Variants in PLPPR1 observed in about 807,000 individuals in gnomAD.
PLPPR1 encodes the protein phospholipid phosphatase-related protein type 1.
A neutral mutation model predicts 33.1 loss-of-function variants in PLPPR1; 10 were observed. The observed-to-expected ratio is 0.30, with a 90% CI of 0.19 to 0.51. The LOEUF is 0.51. Ranked by LOEUF, PLPPR1 falls within the 20% of genes least tolerant of loss-of-function variation. The probability of loss-of-function intolerance (pLI) is 0.97; values close to 1 mark genes in which losing one functional copy is unlikely to be tolerated. For synonymous variants in PLPPR1, 151 were observed against 151.0 expected (o/e 1.00, Z 0.00); for missense variants, 304 against 408.1 (o/e 0.74, Z 2.20).
intron 2 of PLPPR1, among the ~76,000 whole-genome samples, chr9:101,247,123 C>T (rs1004865776): frequency 3.9e-5 from 6 of 151,916 alleles, no homozygotes; most frequent in African/African-American, 1.2e-4. Context: ...CATTAATTTA[C>T]CATAAAACCA....
At chr9:101,084,564 G>GA (rs1453389290) in intron 1 of PLPPR1, among the ~76,000 whole-genome samples, 3 of 152,280 alleles carry the variant, frequency 2.0e-5, no homozygotes, top group African/African-American at 7.2e-5. Context: ...TGTTAGGAAA[G>GA]AAAAAAGCGG....
At chr9:101,059,625 C>T (rs1437952345) in intron 1 of PLPPR1, among the ~76,000 whole-genome samples, 1 of 151,930 alleles carries the variant, frequency 6.6e-6, no homozygotes, top group East Asian at 1.9e-4. Flanking sequence ...ATAGCAAAAC[C>T]ACAAATAATC....
intron 2 of PLPPR1, among the ~76,000 whole-genome samples, chr9:101,237,474 G>GTA (rs1491032491): frequency 6.9e-6 from 1 of 145,924 alleles, no homozygotes; most frequent in Non-Finnish European, 1.5e-5. Flanking sequence ...GTGTGTGTGT[G>GTA]TATAGCAAAA....
intron 1 of PLPPR1, among the ~76,000 whole-genome samples, chr9:101,078,815 C>A (rs561654359): frequency 6.0e-5 from 9 of 150,922 alleles, no homozygotes; most frequent in Non-Finnish European, 1.2e-4. Flanking sequence ...TTTCTTAGTA[C>A]GAAAAAAAAG....
At chr9:101,309,153 GAA>G in intron 4 of PLPPR1, 56 bp from the exon 5 acceptor site, 1 of 1,584,532 alleles carries the variant, frequency 6.3e-7, no homozygotes, top group Non-Finnish European at 8.6e-7. Flanking sequence ...TCTCTTAGGA[GAA>G]AAATGCAATT....
intron 2 of PLPPR1, among the ~76,000 whole-genome samples, chr9:101,266,973 C>G (rs1012899959): frequency 6.6e-6 from 1 of 152,174 alleles, no homozygotes; most frequent in East Asian, 1.9e-4. Flanking sequence ...TATCCAGAAG[C>G]CCCCATAGAT....
chr9:101,202,523 A>T (rs552660483), intron 2 of PLPPR1, among the ~76,000 whole-genome samples: 8 of 152,338 alleles, frequency 5.3e-5, no homozygotes, highest in African/African-American at 1.9e-4. Context: ...TGCACAAAGC[A>T]TATGCTTGTC....
At chr9:101,175,081 T>C (rs895049179) in intron 1 of PLPPR1, among the ~76,000 whole-genome samples, 2 of 152,198 alleles carry the variant, frequency 1.3e-5, no homozygotes, top group Non-Finnish European at 2.9e-5. Context: ...TAAAACATGT[T>C]AGGCTGATTC....
At chr9:101,319,584 C>G (rs976136875) in intron 7 of PLPPR1, among the ~76,000 whole-genome samples, 4 of 152,138 alleles carry the variant, frequency 2.6e-5, no homozygotes, top group Admixed American at 6.5e-5. Flanking sequence ...TGTATTAAGG[C>G]TAACATTTTA....
chr9:101,198,112 CCTTAT>C (rs1467604051), intron 2 of PLPPR1, among the ~76,000 whole-genome samples: 7 of 151,974 alleles, frequency 4.6e-5, no homozygotes, highest in Non-Finnish European at 8.8e-5. Context: ...AAATAGTTTT[CCTTAT>C]CTTCAGTCTT....
chr9:101,093,867 G>C (rs1323396494), intron 1 of PLPPR1, among the ~76,000 whole-genome samples: 3 of 152,156 alleles, frequency 2.0e-5, no homozygotes, highest in African/African-American at 7.2e-5. Flanking sequence ...ATTGTTTCCA[G>C]CTCCAATGCA....
At chr9:101,115,346 G>A (rs1831105590) in intron 1 of PLPPR1, among the ~76,000 whole-genome samples, 1 of 152,212 alleles carries the variant, frequency 6.6e-6, no homozygotes, top group Non-Finnish European at 1.5e-5. Context: ...GAGGGCGATT[G>A]TGATAGTTGT....
intron 2 of PLPPR1, among the ~76,000 whole-genome samples, chr9:101,231,579 T>C (rs1050457184): frequency 6.6e-6 from 1 of 152,078 alleles, no homozygotes; most frequent in African/African-American, 2.4e-5. Context: ...GCAAAACAAA[T>C]CTGATGACCT....
intron 1 of PLPPR1, among the ~76,000 whole-genome samples, chr9:101,046,532 C>T (rs777002491): frequency 8.0e-5 from 12 of 150,932 alleles, no homozygotes; most frequent in East Asian, 4.0e-4. Flanking sequence ...CTCTGCCTCC[C>T]GGGTTCACGC....
intron 1 of PLPPR1, among the ~76,000 whole-genome samples, chr9:101,044,057 G>A (rs1167728590): frequency 6.6e-6 from 1 of 152,174 alleles, no homozygotes; most frequent in Non-Finnish European, 1.5e-5. Flanking sequence ...AAAAGGAATA[G>A]TCAGCAGAGT....
intron 3 of PLPPR1, among the ~76,000 whole-genome samples, chr9:101,276,665 A>G (rs979340840): frequency 6.6e-6 from 1 of 152,176 alleles, no homozygotes; most frequent in Non-Finnish European, 1.5e-5. Context: ...TCTTGTATTC[A>G]CTGTTCAGAT....
intron 1 of PLPPR1, among the ~76,000 whole-genome samples, chr9:101,050,092 T>G (rs1220671692): frequency 8.0e-6 from 1 of 124,924 alleles, no homozygotes; most frequent in Non-Finnish European, 1.5e-5. Context: ...GCCACTGCAC[T>G]CCAGCCTGCA....
intron 1 of PLPPR1, among the ~76,000 whole-genome samples, chr9:101,043,884 A>G (rs1304026948): frequency 6.6e-6 from 1 of 151,998 alleles, no homozygotes; most frequent in Non-Finnish European, 1.5e-5. Context: ...TTTAATTTGC[A>G]TCTCCCTAAT....
rs541747171 is a variant in PLPPR1, at chr9:101,260,118, G to T, written c.64-9762G>T. 2.6e-5 allele frequency among the ~76,000 whole-genome samples: 4 copies of T among 152,142 alleles called. No homozygotes were observed. In the South Asian group the frequency reaches 8.3e-4, roughly 32 times the overall value. ...AACCTCACTGAGGCCAGGAGAGAGA[G>T]ATCAGCTCTCTCATGTCTCCTAAGA... is the stretch of plus-strand genomic sequence containing the variant. On this transcript the variant is annotated intron_variant, in intron 2 of 7. Coordinates refer to ENST00000374874, the MANE Select transcript of PLPPR1 (RefSeq NM_207299.2).
Sources: allele counts gnomAD v4.1 joint callset (sites outside exome capture counted in the v4.1 genomes callset), GRCh38; gene constraint gnomAD v4.1.1; transcripts MANE v1.5; gene names NCBI Gene and HGNC (gene_info 2026-07-23, HGNC 2026-07-21).